Variants in SLC13A3 observed in about 807,000 individuals in gnomAD.
The protein encoded by SLC13A3 is Na(+)/dicarboxylate cotransporter 3.
Under a neutral mutation model 59.0 loss-of-function variants are expected in SLC13A3, and 40 were observed. The ratio of observed to expected loss-of-function variants is 0.68; its 90% CI spans 0.53 to 0.88. SLC13A3 has a LOEUF of 0.88. Among genes scored for constraint, SLC13A3 ranks in the 40% least tolerant of loss-of-function variants. SLC13A3 has a pLI of 0.00. For synonymous variants in SLC13A3, 317 were observed against 330.3 expected (o/e 0.96, Z 0.44); for missense variants, 699 against 783.2 (o/e 0.89, Z 1.28).
intron 7 of SLC13A3, among the ~76,000 whole-genome samples, chr20:46,588,657 A>G (rs1317952831): frequency 6.6e-6 from 1 of 152,074 alleles, no homozygotes; most frequent in East Asian, 1.9e-4. Flanking sequence ...ATGAAGGTGG[A>G]AAGAGAGGAT....
chr20:46,562,060 T>C (rs1006086831), intron 12 of SLC13A3, among the ~76,000 whole-genome samples: 1 of 152,196 alleles, frequency 6.6e-6, no homozygotes, highest in Non-Finnish European at 1.5e-5. Context: ...TCTCCAAATC[T>C]ATGCTGTTTG....
At chr20:46,586,294 T>G (rs1388867323) in intron 8 of SLC13A3, among the ~76,000 whole-genome samples, 2 of 152,196 alleles carry the variant, frequency 1.3e-5, no homozygotes, top group Non-Finnish European at 2.9e-5. Context: ...CACTCACGCT[T>G]CTTAAAACAC....
chr20:46,638,387 A>G (rs887155190), intron 1 of SLC13A3, among the ~76,000 whole-genome samples: 1 of 152,204 alleles, frequency 6.6e-6, no homozygotes, highest in African/African-American at 2.4e-5. Context: ...TCAAGAGAGA[A>G]AGGTGCAGGA....
intron 10 of SLC13A3, among the ~76,000 whole-genome samples, 188 bp downstream of exon 10, chr20:46,575,385 T>C (rs2062064812): frequency 6.6e-6 from 1 of 152,224 alleles, no homozygotes; most frequent in Non-Finnish European, 1.5e-5. Context: ...CCATAACTCA[T>C]TCCTCTCTTT....
At chr20:46,614,167 G>C (rs1307748523) in intron 1 of SLC13A3, among the ~76,000 whole-genome samples, 1 of 152,180 alleles carries the variant, frequency 6.6e-6, no homozygotes, top group Non-Finnish European at 1.5e-5. Flanking sequence ...GTGGACACCT[G>C]GATCTCAATT....
chr20:46,560,799 C>A (rs565288738), intron 12 of SLC13A3, among the ~76,000 whole-genome samples: 1 of 152,158 alleles, frequency 6.6e-6, no homozygotes, highest in African/African-American at 2.4e-5. Context: ...TGCTCCCTAC[C>A]CTGGCTGGCC....
upstream of SLC13A3, among the ~76,000 whole-genome samples, chr20:46,674,011 T>C (rs1033458866): frequency 2.6e-5 from 4 of 152,200 alleles, no homozygotes; most frequent in Non-Finnish European, 4.4e-5. Flanking sequence ...TGTGATAAGA[T>C]ACATGTGTGA....
chr20:46,675,557 C>G (rs1453650571), intron 1 of SLC13A3, among the ~76,000 whole-genome samples: 3 of 147,242 alleles, frequency 2.0e-5, no homozygotes, highest in African/African-American at 7.6e-5. Context: ...CTTTTTTTTT[C>G]TTTCTTTCTT....
At chr20:46,673,565 T>C (rs1225707835), upstream of SLC13A3, 1 of 152,314 alleles carries the variant, frequency 6.6e-6, no homozygotes, top group Non-Finnish European at 1.5e-5. Context: ...TGGTTCCTTC[T>C]ACTCACTCAG....
intron 12 of SLC13A3, among the ~76,000 whole-genome samples, chr20:46,562,515 A>C (rs1282230371): frequency 1.3e-5 from 2 of 151,740 alleles, no homozygotes; most frequent in East Asian, 1.9e-4. Context: ...GTCCTCTTAC[A>C]CTTCCTCATG....
chr20:46,596,174 C>A lies in SLC13A3; in HGVS notation c.777G>T (p.Leu259=), dbSNP rs749461966. The stretch of plus-strand genomic sequence containing the variant: ...GCTTTCACCTCTTGAGCTGGCCAAG[C>A]AGGATGAGGTTAGGGGCTGTGCCCG... The part of the protein sequence containing the change: ...TLTGTAPNLI[L]LGQLKSFFPQ... The change falls in exon 5 of 13, where the codon CTG becomes CTT. Residue 259 remains leucine (L), a synonymous_variant. Transcript: ENST00000279027. The A allele has an allele frequency of 1.9e-5, 31 of 1,613,498 alleles. No homozygotes were observed. Among genetic ancestry groups the A allele is most frequent in the Non-Finnish European group, 2.5e-5 (30 of 1,179,948 alleles).
Position 46,575,688 on chromosome 20 carries a change from G to A in SLC13A3, c.1220-3C>T. ...GGGCTCTGTCTCTGTGTTGGGAGCT[G>A]GGCAGAGAGAGGGATTCAGCACACA... On this transcript the variant is annotated splice_polypyrimidine_tract_variant and splice_region_variant and intron_variant, in intron 9 of 12. Coordinates refer to ENST00000279027, the MANE Select transcript of SLC13A3 (RefSeq NM_022829.6). 1 of 1,570,604 alleles carries A rather than the reference G, an allele frequency of 6.4e-7. No individual in the cohort carries two copies. Among genetic ancestry groups the A allele is most frequent in the Non-Finnish European group, 8.7e-7 (1 of 1,153,548 alleles).
chr20:46,599,378 G>A (rs1168999345), intron 4 of SLC13A3, among the ~76,000 whole-genome samples: 9 of 152,352 alleles, frequency 5.9e-5, no homozygotes. Context: ...ACATCTGGAC[G>A]TGTAAGGTCC....
At chr20:46,659,380 C>T (rs1030780443) in intron 1 of SLC13A3, among the ~76,000 whole-genome samples, 2 of 151,924 alleles carry the variant, frequency 1.3e-5, no homozygotes, top group Non-Finnish European at 2.9e-5. Flanking sequence ...CACAGTCTAC[C>T]TTTGCACAAT....
intron 8 of SLC13A3, among the ~76,000 whole-genome samples, chr20:46,586,430 G>T (rs1208314879): frequency 1.3e-5 from 2 of 152,002 alleles, no homozygotes; most frequent in East Asian, 3.9e-4. Context: ...GTTCCTCATG[G>T]TCTATACTCT....
At chr20:46,669,511 T>C (rs2063079405) in intron 1 of SLC13A3, among the ~76,000 whole-genome samples, 1 of 152,204 alleles carries the variant, frequency 6.6e-6, no homozygotes, top group Admixed American at 6.5e-5. Flanking sequence ...CTCCAAAGTC[T>C]GTGTTGCTAA....
intron 1 of SLC13A3, among the ~76,000 whole-genome samples, chr20:46,648,976 T>C (rs1600613587): frequency 6.8e-6 from 1 of 148,128 alleles, no homozygotes; most frequent in Admixed American, 6.7e-5. Context: ...CATAAAGGAG[T>C]ACAGACTCTG....
At chr20:46,599,316 G>A (rs1483963944) in intron 4 of SLC13A3, among the ~76,000 whole-genome samples, 1 of 152,242 alleles carries the variant, frequency 6.6e-6, no homozygotes, top group Non-Finnish European at 1.5e-5. Context: ...TTGGCTCCCT[G>A]TTGTGTCATC....
intron 1 of SLC13A3, among the ~76,000 whole-genome samples, chr20:46,627,386 G>T (rs1181033032): frequency 2.0e-5 from 3 of 152,056 alleles, no homozygotes; most frequent in Non-Finnish European, 4.4e-5. Flanking sequence ...GCTGGCACTG[G>T]ACTTCAGTGT....
Sources: allele counts gnomAD v4.1 joint callset (sites outside exome capture counted in the v4.1 genomes callset), GRCh38; gene constraint gnomAD v4.1.1; transcripts MANE v1.5; gene names NCBI Gene and HGNC (gene_info 2026-07-23, HGNC 2026-07-21).